The following CEP89 variants were observed in gnomAD, a reference collection of about 807,000 sequenced individuals.
CEP89 encodes the protein centrosomal protein 89.
In CEP89, 95 loss-of-function variants were observed where a neutral mutation model predicts 97.6. The observed-to-expected ratio is 0.97, with a 90% confidence interval of 0.82 to 1.15. The LOEUF is 1.15. CEP89 is among the 50% of genes most tolerant of loss of function. CEP89 has a pLI of 0.00. For missense variants in CEP89, 869 were observed against 947.7 expected (o/e 0.92, Z 1.09); for synonymous variants, 354 against 349.1 (o/e 1.01, Z -0.16).
chr19:32,937,798 T>C (rs1970609730), intron 6 of CEP89, 125 bp from the exon 7 acceptor site: 1 of 733,996 alleles, frequency 1.4e-6, no homozygotes, highest in Admixed American at 2.7e-5. Context: ...TTTTGACTCT[T>C]GTTCTTTGTT....
chr19:32,881,793 ATCAGACAT>A (rs565308346), intron 18 of CEP89, 43 bp downstream of exon 18: 12 of 1,520,224 alleles, frequency 7.9e-6, no homozygotes, highest in Non-Finnish European at 1.1e-5. Context: ...AGAACCCTCA[ATCAGACAT>A]TCAGACATCT....
At position 32,960,884 on chromosome 19, in the gene CEP89, C is replaced by T. The variant is rs543662287; in HGVS notation, c.147-826G>A. Among the ~76,000 whole-genome samples the T allele has an allele frequency of 1.4e-3, 206 of 152,130 alleles. 1 individual carries two copies. The highest frequency in any genetic ancestry group is 4.8e-3 in the African/African-American group (200 of 41,504). On this transcript the variant is annotated intron_variant, in intron 2 of 18. Transcript: ENST00000305768. The stretch of plus-strand genomic sequence containing the variant: ...GCCTAGGAAAATTTCCAGGTCACAG[C>T]ACAGGGAGGAGGAATGGGTGGAGCC...
intron 1 of CEP89, among the ~76,000 whole-genome samples, chr19:32,967,840 C>T (rs116445536): frequency 2.6e-5 from 4 of 152,318 alleles, no homozygotes; most frequent in Non-Finnish European, 4.4e-5. Context: ...AGACTAGAGG[C>T]ATCTTCGAGG....
chr19:32,906,203 G>C (rs569844527), intron 14 of CEP89, among the ~76,000 whole-genome samples: 1 of 152,202 alleles, frequency 6.6e-6, no homozygotes, highest in Admixed American at 6.5e-5. Flanking sequence ...ATCTACTGCT[G>C]GTATGTTTGG....
intron 2 of CEP89, among the ~76,000 whole-genome samples, chr19:32,962,164 AT>A (rs1002421270): frequency 3.7e-4 from 56 of 152,084 alleles, no homozygotes; most frequent in African/African-American, 1.3e-3. Flanking sequence ...GAGGAAAGTG[AT>A]TGGATTATGG....
At chr19:32,963,940 G>GAA (rs1340233389) in intron 2 of CEP89, 4 of 77,952 alleles carry the variant, frequency 5.1e-5, no homozygotes, top group Non-Finnish European at 9.7e-5. Context: ...GCATGCACAT[G>GAA]AACACACACA....
intron 1 of CEP89, among the ~76,000 whole-genome samples, chr19:32,967,622 G>A (rs779413336): frequency 1.2e-4 from 19 of 152,340 alleles, no homozygotes; most frequent in Admixed American, 7.2e-4. Context: ...ATTCCTCCAG[G>A]TCTGGGGCCA....
intron 1 of CEP89, 158 bp downstream of exon 1, chr19:32,971,678 T>G: frequency 1.4e-6 from 1 of 702,824 alleles, no homozygotes; most frequent in Non-Finnish European, 2.4e-6. Flanking sequence ...AAAAAAAGTT[T>G]AGAACACGAA....
intron 2 of CEP89, among the ~76,000 whole-genome samples, chr19:32,961,142 G>C (rs61438773): frequency 0.035 from 5,370 of 152,244 alleles, 338 homozygotes; most frequent in African/African-American, 0.12. Context: ...GACGGCAGCT[G>C]CTCCCACCAG....
chr19:32,915,581 C>T, intron 13 of CEP89, 64 bp from the exon 14 acceptor site: 5 of 1,367,610 alleles, frequency 3.7e-6, no homozygotes, highest in Non-Finnish European at 5.1e-6. Context: ...CAATTATGGG[C>T]TATTAGGAAA....
intron 5 of CEP89, among the ~76,000 whole-genome samples, chr19:32,941,630 A>G (rs1970688270): frequency 6.6e-6 from 1 of 152,144 alleles, no homozygotes; most frequent in African/African-American, 2.4e-5. Context: ...CTTTCAGTCA[A>G]ATGTCCAGGG....
At chr19:32,914,417 G>A (rs1044180179) in intron 14 of CEP89, among the ~76,000 whole-genome samples, 7 of 151,920 alleles carry the variant, frequency 4.6e-5, no homozygotes, top group African/African-American at 9.7e-5. Flanking sequence ...ATACCACCAC[G>A]CCTGGCTAGT....
chr19:32,927,126 A>C, intron 9 of CEP89, 142 bp from the exon 10 acceptor site: 2 of 641,006 alleles, frequency 3.1e-6, no homozygotes, highest in South Asian at 1.9e-5. Context: ...CCACCTACCC[A>C]CCTACCCATC....
intron 3 of CEP89, among the ~76,000 whole-genome samples, chr19:32,956,040 A>T (rs1971039594): frequency 1.4e-5 from 2 of 140,034 alleles, no homozygotes; most frequent in Admixed American, 7.9e-5. Context: ...TGTCCATTCC[A>T]ATTTGGTTCT....
chr19:32,958,020 C>CG (rs1568581277), intron 3 of CEP89, among the ~76,000 whole-genome samples: 1 of 150,956 alleles, frequency 6.6e-6, no homozygotes, highest in African/African-American at 2.4e-5. Context: ...AAATCCCCCC[C>CG]CCGCCAAAAA....
chr19:32,967,697 G>A (rs773622315), intron 1 of CEP89, among the ~76,000 whole-genome samples: 1 of 152,236 alleles, frequency 6.6e-6, no homozygotes, highest in Non-Finnish European at 1.5e-5. Context: ...GGCTTTCAGA[G>A]ATGCCCACTG....
chr19:32,971,742 TG>T, intron 1 of CEP89, 93 bp downstream of exon 1: 1 of 1,285,786 alleles, frequency 7.8e-7, no homozygotes, highest in Non-Finnish European at 1.1e-6. Context: ...CCCCCTTGAC[TG>T]GATCTCAGGC....
At chr19:32,917,840 G>C in intron 13 of CEP89, 5 of 974,648 alleles carry the variant, frequency 5.1e-6, no homozygotes, top group Non-Finnish European at 6.1e-6. Flanking sequence ...CAGGGGAACT[G>C]TTTAGAAAGT....
intron 5 of CEP89, among the ~76,000 whole-genome samples, chr19:32,945,121 C>T (rs1316152951): frequency 6.6e-6 from 1 of 152,000 alleles, no homozygotes; most frequent in Non-Finnish European, 1.5e-5. Flanking sequence ...CCTGTCTCTA[C>T]TAAAAATACA....
Sources: allele counts gnomAD v4.1 joint callset (sites outside exome capture counted in the v4.1 genomes callset), GRCh38; gene constraint gnomAD v4.1.1; transcripts MANE v1.5; gene names NCBI Gene and HGNC (gene_info 2026-07-23, HGNC 2026-07-21).